EIF2AK4: variants seen among roughly 807,000 people sequenced by gnomAD.
The protein encoded by EIF2AK4 is eIF-2-alpha kinase GCN2.
EIF2AK4 carries 139 observed loss-of-function variants against 211.1 expected under a neutral mutation model. The observed-to-expected ratio is 0.66, with a 90% CI of 0.57 to 0.76. The LOEUF (loss-of-function observed/expected upper bound fraction) is 0.76. EIF2AK4 is among the 30% of genes least tolerant of loss of function. The pLI, the probability that EIF2AK4 is intolerant of heterozygous loss-of-function variation, is 0.00. For missense variants in EIF2AK4, 1,664 were observed against 2,043.8 expected (o/e 0.81, Z 3.58); for synonymous variants, 710 against 751.3 (o/e 0.94, Z 0.90).
intron 33 of EIF2AK4, among the ~76,000 whole-genome samples, chr15:40,028,781 A>C (rs1405311893): frequency 2.0e-5 from 3 of 152,252 alleles, no homozygotes; most frequent in Non-Finnish European, 4.4e-5. Flanking sequence ...ACCAAGAAAT[A>C]GCCAAGTAGT....
intron 15 of EIF2AK4, 128 bp downstream of exon 15, chr15:39,988,233 C>G: frequency 1.0e-6 from 1 of 986,308 alleles, no homozygotes. Context: ...TTGACATAAT[C>G]TATTTTTGTA....
At chr15:39,954,091 C>A in intron 5 of EIF2AK4, 107 bp downstream of exon 5, 1 of 958,764 alleles carries the variant, frequency 1.0e-6, no homozygotes, top group Non-Finnish European at 1.4e-6. Flanking sequence ...TAAAATAAAG[C>A]ACTAAAAATA....
chr15:40,024,294 C>T (rs2035434126), intron 32 of EIF2AK4, among the ~76,000 whole-genome samples: 1 of 150,812 alleles, frequency 6.6e-6, no homozygotes, highest in Non-Finnish European at 1.5e-5. Context: ...GCAATCTTCT[C>T]ACCTCAGCCT....
intron 1 of EIF2AK4, among the ~76,000 whole-genome samples, chr15:39,939,296 T>C (rs1004005473): frequency 1.3e-5 from 2 of 152,252 alleles, no homozygotes; most frequent in African/African-American, 4.8e-5. Context: ...GTTCATTCCT[T>C]AGATAACTTA....
At chr15:40,019,664 T>C (rs957417510) in intron 30 of EIF2AK4, among the ~76,000 whole-genome samples, 4 of 152,282 alleles carry the variant, frequency 2.6e-5, no homozygotes, top group African/African-American at 9.6e-5. Flanking sequence ...CGAGATGGAA[T>C]AGTTTCATTC....
rs376981552 is a variant in EIF2AK4, at chr15:39,992,246, A to C, written c.2686+17A>C. Reference sequence around the variant, plus strand: ...ACCCTTCAGGTAAACCCAGAAGACTATATATTTCATCCATGTGTTAAAGAC... The same window carrying C: ...ACCCTTCAGGTAAACCCAGAAGACTCTATATTTCATCCATGTGTTAAAGAC... On this transcript the variant is annotated intron_variant, in intron 17 of 38. Transcript: ENST00000263791. 2.4e-5 allele frequency: 38 copies of C among 1,592,324 alleles called. No homozygotes were observed. Among genetic ancestry groups the C allele is most frequent in the Non-Finnish European group, 3.3e-5 (38 of 1,168,030 alleles).
At position 40,035,185 on chromosome 15, in the gene EIF2AK4, A is replaced by G. The variant is rs1353599558; in HGVS notation, c.*101A>G. On this transcript the variant is annotated 3_prime_UTR_variant, in exon 39 of 39. Coordinates refer to ENST00000263791, the MANE Select transcript of EIF2AK4 (RefSeq NM_001013703.4). ...CATAATTTAAAATTAAATTCTAAGAAGAGGCTGGGTGCAGTGGCTCACACC... is the reference window on the plus strand; with the variant it reads ...CATAATTTAAAATTAAATTCTAAGAGGAGGCTGGGTGCAGTGGCTCACACC... 9.9e-7 allele frequency: 1 copy of G among 1,010,212 alleles called. No individual in the cohort carries two copies. The highest frequency in any genetic ancestry group is 1.4e-6 in the Non-Finnish European group (1 of 727,366). The allele number at this position is 1,010,212 out of a possible 1,614,324, so 62.6% of individuals were successfully genotyped here.
At chr15:39,995,412 C>T (rs188849691) in intron 18 of EIF2AK4, among the ~76,000 whole-genome samples, 2 of 150,908 alleles carry the variant, frequency 1.3e-5, no homozygotes, top group African/African-American at 4.9e-5. Context: ...GTCCTGAAAG[C>T]GGCTCTACAC....
At chr15:40,020,814 G>A (rs1161688894) in intron 30 of EIF2AK4, 85 bp from the exon 31 acceptor site, 1 of 1,300,314 alleles carries the variant, frequency 7.7e-7, no homozygotes, top group Non-Finnish European at 1.0e-6. Flanking sequence ...CTTCCCAAGA[G>A]TGCTGCCTCC....
chr15:40,032,146 A>T (rs1482496843), intron 35 of EIF2AK4, 23 bp from the exon 36 acceptor site: 1 of 1,595,146 alleles, frequency 6.3e-7, no homozygotes, highest in African/African-American at 1.3e-5. Context: ...ACATGTTCTG[A>T]ATTCCATTTT....
At chr15:39,973,099 G>A (rs2034647365) in intron 10 of EIF2AK4, 85 bp downstream of exon 10, 3 of 1,077,520 alleles carry the variant, frequency 2.8e-6, no homozygotes, top group African/African-American at 3.2e-5. Context: ...ACTGGAAGGG[G>A]CTGCATGTGT....
intron 27 of EIF2AK4, among the ~76,000 whole-genome samples, chr15:40,014,114 C>G (rs2035273888): frequency 6.6e-6 from 1 of 152,272 alleles, no homozygotes. Context: ...CCAAAATGAT[C>G]TCCTTTGACT....
intron 32 of EIF2AK4, among the ~76,000 whole-genome samples, chr15:40,023,830 G>A (rs1006751873): frequency 1.3e-5 from 2 of 152,010 alleles, no homozygotes; most frequent in East Asian, 3.8e-4. Context: ...TTTGGATTTA[G>A]TTTATTCTTT....
At chr15:40,023,378 G>C (rs2035420730) in intron 32 of EIF2AK4, among the ~76,000 whole-genome samples, 1 of 152,088 alleles carries the variant, frequency 6.6e-6, no homozygotes, top group Non-Finnish European at 1.5e-5. Flanking sequence ...TCAGGGTAAT[G>C]TTGGCCTGAT....
At chr15:40,007,103 GA>G (rs2035172568) in intron 24 of EIF2AK4, 38 bp downstream of exon 24, 1 of 1,471,904 alleles carries the variant, frequency 6.8e-7, no homozygotes, top group Admixed American at 1.8e-5. Flanking sequence ...GTAGACATAG[GA>G]AAATAGTTGA....
At chr15:39,935,843 T>C (rs942543391) in intron 1 of EIF2AK4, among the ~76,000 whole-genome samples, 5 of 152,224 alleles carry the variant, frequency 3.3e-5, no homozygotes, top group Non-Finnish European at 7.3e-5. Flanking sequence ...GGGAGCTTAC[T>C]TTTCTAATGC....
At position 39,976,778 on chromosome 15, in the gene EIF2AK4, C is replaced by T; in HGVS notation, c.2183C>T (p.Pro728Leu). The T allele has an allele frequency of 1.9e-6, 3 of 1,587,572 alleles. No homozygotes were observed. The highest frequency in any genetic ancestry group is 2.6e-6 in the Non-Finnish European group (3 of 1,170,152). The change falls in exon 12 of 39, where the codon CCG (proline) becomes CTG (leucine). Residue 728 changes from proline (P) to leucine (L), a missense_variant. Coordinates refer to ENST00000263791, the MANE Select transcript of EIF2AK4 (RefSeq NM_001013703.4). ...SASARFPATG[P>L]GSSDDEDDDE... ...AGTGCCCGTTTCCCCGCCACCGGCC[C>T]GGGCTCCAGCGATGACGAGGACGAC... is the stretch of plus-strand genomic sequence containing the variant.
At chr15:39,954,338 C>T (rs1379469059) in intron 5 of EIF2AK4, among the ~76,000 whole-genome samples, 4 of 152,196 alleles carry the variant, frequency 2.6e-5, no homozygotes, top group African/African-American at 9.6e-5. Context: ...CTGTAACCTC[C>T]ACCTCCCAGG....
intron 19 of EIF2AK4, among the ~76,000 whole-genome samples, chr15:39,997,811 AC>A: frequency 6.6e-6 from 1 of 152,334 alleles, no homozygotes; most frequent in South Asian, 2.1e-4. Context: ...CCATGAGCAA[AC>A]CGCATTAAGA....
Sources: gnomAD v4.1 joint callset for allele counts (sites outside exome capture counted in the v4.1 genomes callset) on GRCh38, gnomAD v4.1.1 for gene constraint, MANE v1.5 for transcripts, NCBI Gene and HGNC (gene_info 2026-07-23, HGNC 2026-07-21) for gene names.